The following KIFC2 variants were observed in gnomAD, a reference collection of about 807,000 sequenced individuals.
KIFC2 encodes kinesin family member C2.
In KIFC2, 94 loss-of-function variants were observed where a neutral mutation model predicts 91.5. That is an observed-to-expected ratio of 1.03 (90% CI 0.87 to 1.22). The LOEUF (loss-of-function observed/expected upper bound fraction) is 1.22. Ranked by LOEUF, KIFC2 falls within the 50% of genes most tolerant of loss-of-function variation. The pLI is 0.00. For synonymous variants in KIFC2, 729 were observed against 503.9 expected (o/e 1.45, Z -5.98); for missense variants, 1,357 against 1,103.3 (o/e 1.23, Z -3.26).
Position 144,467,453 on chromosome 8 carries a change from C to T in KIFC2, c.470-32C>T, listed in dbSNP as rs2291131. 1,901 of 1,544,376 alleles carry T rather than the reference C, an allele frequency of 1.2e-3. 34 individuals carry two copies. In the East Asian group the frequency reaches 0.037, roughly 30 times the overall value. ...TCCGGAAGATTTGGACTAGAGACCT[C>T]TTCAGTGCTAACTGGGCCCACCCTA... is the stretch of plus-strand genomic sequence containing the variant. On this transcript the variant is annotated intron_variant, in intron 4 of 17. Transcript: ENST00000645548.
Position 144,472,915 on chromosome 8 carries a change from G to T in KIFC2, c.1982G>T (p.Arg661Leu). 6.7e-7 allele frequency: 1 copy of T among 1,494,852 alleles called. No individual in the cohort carries two copies. Among genetic ancestry groups the T allele is most frequent in the South Asian group, 1.3e-5 (1 of 77,426 alleles). The allele number at this position is 1,494,852 out of a possible 1,614,324, so 92.6% of individuals were successfully genotyped here. ...RRLREAQTIN[R>L]SLLALGGVMA... ...CTGCGGGAGGCCCAGACCATAAACC[G>T]CTCGCTGCTGGCGCTAGGAGGCGTG... The change falls in exon 17 of 18, where the codon CGC becomes CTC. Residue 661 changes from arginine to leucine, a missense_variant. Arg to Leu is a moderately radical substitution (Grantham distance 102). Transcript: ENST00000645548.
intron 12 of KIFC2, among the ~76,000 whole-genome samples, chr8:144,471,727 C>T (rs1824932531): frequency 6.6e-6 from 1 of 152,122 alleles, no homozygotes; most frequent in Non-Finnish European, 1.5e-5. Context: ...GTGTCTTTTC[C>T]CTTCTTTGCC....
chr8:144,473,083 G>A (rs2130024567), intron 17 of KIFC2, 32 bp downstream of exon 17: 1 of 1,525,528 alleles, frequency 6.6e-7, no homozygotes, highest in Non-Finnish European at 8.8e-7. Context: ...GTGTGTGCGT[G>A]CCGGTCGCCG....
intron 12 of KIFC2, among the ~76,000 whole-genome samples, chr8:144,470,134 T>C (rs1373423354): frequency 6.6e-6 from 1 of 152,208 alleles, no homozygotes; most frequent in Non-Finnish European, 1.5e-5. Context: ...CTCCCATAGC[T>C]AAGGAGATGG....
rs760270910 is a variant in KIFC2, at chr8:144,472,859, G to A, written c.1926G>A (p.Pro642=). The A allele has an allele frequency of 7.1e-6, 11 of 1,543,104 alleles. No homozygotes were observed. The highest frequency in any genetic ancestry group is 2.4e-5 in the East Asian group (1 of 40,836). Residue 642 remains proline, a synonymous_variant, in exon 17 of 18, where the codon CCG becomes CCA. Coordinates refer to ENST00000645548, the MANE Select transcript of KIFC2 (RefSeq NM_001369769.2). ...ERARKAGAAG[P]PRGDPDGARR... ...CACGGAAGGCAGGGGCGGCCGGCCC[G>A]CCGCGGGGAGACCCAGACGGCGCCC...
chr8:144,466,415 C>G lies in KIFC2; in HGVS notation c.-5C>G. On this transcript the variant is annotated 5_prime_UTR_variant, in exon 1 of 18. Transcript: ENST00000645548. ...AAGCGGGGCCCTCTGCCGCCCCGCG[C>G]TCCCATGTACGCCTTTTACTCGTTG... is the stretch of plus-strand genomic sequence containing the variant. 7.7e-7 allele frequency: 1 copy of G among 1,296,078 alleles called. No individual in the cohort carries two copies. The highest frequency in any genetic ancestry group is 1.0e-6 in the Non-Finnish European group (1 of 1,002,164). The allele number at this position is 1,296,078 out of a possible 1,614,324, so 80.3% of individuals were successfully genotyped here.
chr8:144,466,183 G>C (rs1196898725), upstream of KIFC2: 1 of 174,208 alleles, frequency 5.7e-6, no homozygotes, highest in African/African-American at 2.4e-5. Context: ...CGGTGTCCGC[G>C]GTGTAGGGGT....
At position 144,473,449 on chromosome 8, in the gene KIFC2, A is replaced by G; in HGVS notation, c.*60A>G. The stretch of plus-strand genomic sequence containing the variant: ...CCAGGTCTCTGCTGGCAGAGGCGGT[A>G]GTAAAGTCCCTGTACCCCGTCTCCC... On this transcript the variant is annotated 3_prime_UTR_variant, in exon 18 of 18. Coordinates refer to ENST00000645548, the MANE Select transcript of KIFC2 (RefSeq NM_001369769.2). The G allele has an allele frequency of 1.3e-6, 2 of 1,517,646 alleles. No homozygotes were observed. The highest frequency in any genetic ancestry group is 1.7e-4 in the Middle Eastern group (1 of 5,788). The allele number at this position is 1,517,646 out of a possible 1,614,324, so 94.0% of individuals were successfully genotyped here.
In KIFC2 at chr8:144,473,671, A is replaced by G; in HGVS notation, c.*282A>G. On this transcript the variant is annotated 3_prime_UTR_variant, in exon 18 of 18. Coordinates refer to ENST00000645548, the MANE Select transcript of KIFC2 (RefSeq NM_001369769.2). Reference sequence around the variant, plus strand: ...ATCACGGCACACAGCAGGGAATCCCAGGCCCCCCCGCCAAGTGGTTACCCA... The same window carrying G: ...ATCACGGCACACAGCAGGGAATCCCGGGCCCCCCCGCCAAGTGGTTACCCA... 1 of 486,994 alleles carries G rather than the reference A, an allele frequency of 2.1e-6. No individual in the cohort carries two copies. The highest frequency in any genetic ancestry group is 3.5e-6 in the Non-Finnish European group (1 of 283,658). The allele number at this position is 486,994 out of a possible 1,614,324, so 30.2% of individuals were successfully genotyped here. A position where few individuals can be genotyped will look rare whatever the true frequency, so the allele number is the denominator to read the frequency against.
chr8:144,470,105 A>G (rs1234640721), intron 12 of KIFC2, among the ~76,000 whole-genome samples: 2 of 152,182 alleles, frequency 1.3e-5, no homozygotes, highest in East Asian at 1.9e-4. Context: ...TCATCTGCAC[A>G]TGCCCTTTGC....
chr8:144,472,163 T>C lies in KIFC2; in HGVS notation c.1511T>C (p.Val504Ala). Residue 504 changes from valine (V) to alanine (A), a missense_variant, in exon 14 of 18, where the codon GTT becomes GCT. Physicochemically the swap from Val to Ala is moderately conservative, Grantham distance 64 (BLOSUM62 0). Coordinates refer to ENST00000645548, the MANE Select transcript of KIFC2 (RefSeq NM_001369769.2). ...MEGPPEDPGI[V>A]PRALQSLFRE... ...GGCCCTCCTGAGGACCCCGGCATAGTTCCTAGGGCGCTGCAGTCGCTGTTC... is the reference window on the plus strand; with the variant it reads ...GGCCCTCCTGAGGACCCCGGCATAGCTCCTAGGGCGCTGCAGTCGCTGTTC... 1 of 1,613,182 alleles carries C rather than the reference T, an allele frequency of 6.2e-7. No homozygotes were observed. Among genetic ancestry groups the C allele is most frequent in the Non-Finnish European group, 8.5e-7 (1 of 1,179,978 alleles).
At position 144,472,470 on chromosome 8, in the gene KIFC2, G is replaced by C. The variant is rs1389644337; in HGVS notation, c.1717G>C (p.Glu573Gln). 6.2e-7 allele frequency: 1 copy of C among 1,612,032 alleles called. No homozygotes were observed. The highest frequency in any genetic ancestry group is 1.7e-5 in the Admixed American group (1 of 59,890). Reference protein sequence around the residue: ...GLTHWDVPNLETLHQMLKLGR... With the variant: ...GLTHWDVPNLQTLHQMLKLGR... Reference sequence around the variant, plus strand: ...CACCCACTGGGACGTGCCCAACCTGGAGACATTGCACCAGGTAGGGCTGCA... The same window carrying C: ...CACCCACTGGGACGTGCCCAACCTGCAGACATTGCACCAGGTAGGGCTGCA... The change falls in exon 15 of 18, where the codon GAG becomes CAG. Residue 573 changes from glutamate to glutamine, a missense_variant. Transcript: ENST00000645548.
chr8:144,472,564 C>A lies in KIFC2; in HGVS notation c.1732-13C>A. 6.2e-7 allele frequency: 1 copy of A among 1,611,810 alleles called. No homozygotes were observed. The highest frequency in any genetic ancestry group is 8.5e-7 in the Non-Finnish European group (1 of 1,179,814). On this transcript the variant is annotated splice_polypyrimidine_tract_variant and intron_variant, in intron 15 of 17. Coordinates refer to ENST00000645548, the MANE Select transcript of KIFC2 (RefSeq NM_001369769.2). ...GACCCTGCACCTGACCAGCCCTTCG[C>A]CCCGCCTTCCAGATGCTGAAACTGG... is the stretch of plus-strand genomic sequence containing the variant.
At chr8:144,471,018 C>T (rs1261049346) in intron 12 of KIFC2, among the ~76,000 whole-genome samples, 1 of 151,792 alleles carries the variant, frequency 6.6e-6, no homozygotes, top group Non-Finnish European at 1.5e-5. Flanking sequence ...GGCTGTAGTG[C>T]AGTGGTGTGA....
In KIFC2 at chr8:144,467,738, G is replaced by A. The variant is rs1298179976; in HGVS notation, c.640G>A (p.Glu214Lys). 1 of 1,613,892 alleles carries A rather than the reference G, an allele frequency of 6.2e-7. No homozygotes were observed. The highest frequency in any genetic ancestry group is 8.5e-7 in the Non-Finnish European group (1 of 1,179,992). Residue 214 changes from glutamate to lysine, a missense_variant, in exon 6 of 18, where the codon GAA becomes AAA. Physicochemically the swap from Glu to Lys is moderately conservative, Grantham distance 56. Transcript: ENST00000645548. ...GCTGGAGGAGCTGAAGCAGCAGCTG[G>A]AACAGCAGGAGGAGGAGTTGGGTCG... ...GQLEELKQQL[E>K]QQEEELGRLR...
At chr8:144,470,566 T>C (rs1021146173) in intron 12 of KIFC2, 7 of 152,274 alleles carry the variant, frequency 4.6e-5, no homozygotes, top group African/African-American at 1.7e-4. Context: ...ATTCTAGCCT[T>C]GTGGCTGTCT....
In KIFC2 at chr8:144,474,084, G is replaced by A; in HGVS notation, c.*695G>A. The stretch of plus-strand genomic sequence containing the variant: ...GTGCCCAGCTGGGCCACGGCCATGC[G>A]TGGGGTGGCCCAATAAACACCGTGG... On this transcript the variant is annotated 3_prime_UTR_variant, in exon 18 of 18. Transcript: ENST00000645548. The A allele has an allele frequency of 3.2e-6, 2 of 632,956 alleles. No homozygotes were observed. Among genetic ancestry groups the A allele is most frequent in the Non-Finnish European group, 5.4e-6 (2 of 366,992 alleles). 39.2% of individuals were successfully genotyped at this position (632,956 alleles called of 1,614,324 possible). A position where few individuals can be genotyped will look rare whatever the true frequency, so the allele number is the denominator to read the frequency against.
chr8:144,468,843 C>T lies in KIFC2; in HGVS notation c.1113+9C>T, dbSNP rs374470655. 1 of 1,604,616 alleles carries T rather than the reference C, an allele frequency of 6.2e-7. No individual in the cohort carries two copies. On this transcript the variant is annotated intron_variant, in intron 10 of 17. Transcript: ENST00000645548. ...GTGAGGCCCGGGGCCAGGTCAGGAC[C>T]CCTCCCCGCCTAGCCCCTCCTCTCT...
Position 144,467,306 on chromosome 8 carries a change from A to T in KIFC2, c.434A>T (p.Gln145Leu), listed in dbSNP as rs766006780. ...RGRQALLQGT[Q>L]PAPRVRPPSP... ...AGGCAGGCCCTGCTCCAGGGGACTCAGCCAGCCCCTCGGGTCCGGCCCCCC... is the reference window on the plus strand; with the variant it reads ...AGGCAGGCCCTGCTCCAGGGGACTCTGCCAGCCCCTCGGGTCCGGCCCCCC... The change falls in exon 4 of 18, where the codon CAG becomes CTG. Residue 145 changes from glutamine to leucine, a missense_variant. Physicochemically the swap from Gln to Leu is moderately radical, Grantham distance 113 (BLOSUM62 -2). Coordinates refer to ENST00000645548, the MANE Select transcript of KIFC2 (RefSeq NM_001369769.2). 8.1e-6 allele frequency: 13 copies of T among 1,612,240 alleles called. No homozygotes were observed.
Sources: allele counts gnomAD v4.1 joint callset (sites outside exome capture counted in the v4.1 genomes callset), GRCh38; gene constraint gnomAD v4.1.1; transcripts MANE v1.5; gene names NCBI Gene and HGNC (gene_info 2026-07-23, HGNC 2026-07-21).